The following RNF144A variants were observed in gnomAD, a reference collection of about 807,000 sequenced individuals.
RNF144A encodes E3 ubiquitin-protein ligase RNF144A.
Under a neutral mutation model 38.7 loss-of-function variants are expected in RNF144A, and 11 were observed. The observed-to-expected ratio is 0.28, with a 90% CI of 0.18 to 0.47. The LOEUF (loss-of-function observed/expected upper bound fraction) is 0.47. Ranked by LOEUF, RNF144A falls within the 20% of genes least tolerant of loss-of-function variation. The pLI, the probability that RNF144A is intolerant of heterozygous loss-of-function variation, is 0.99. For missense variants in RNF144A, 316 were observed against 377.2 expected (o/e 0.84, Z 1.34); for synonymous variants, 149 against 143.9 (o/e 1.04, Z -0.25).
chr2:7,005,821 C>T (rs189963549), intron 3 of RNF144A, among the ~76,000 whole-genome samples: 63 of 152,126 alleles, frequency 4.1e-4, no homozygotes, highest in African/African-American at 1.4e-3. Context: ...CATGAGAGGA[C>T]GCTGCAGCTC....
chr2:7,014,788 A>G lies in RNF144A; in HGVS notation c.301+16A>G. On this transcript the variant is annotated intron_variant, in intron 5 of 8. Coordinates refer to ENST00000320892, the MANE Select transcript of RNF144A (RefSeq NM_014746.6). ...TTTGAAAGAGGTAGGTGCCTGGTAT[A>G]TCTGCCGGTTATGATTCCTGTAATG... 2 of 1,581,228 alleles carry G rather than the reference A, an allele frequency of 1.3e-6. No individual in the cohort carries two copies. Among genetic ancestry groups the G allele is most frequent in the Non-Finnish European group, 1.7e-6 (2 of 1,151,404 alleles).
chr2:6,975,506 T>C (rs1668256376), intron 2 of RNF144A, among the ~76,000 whole-genome samples: 2 of 152,218 alleles, frequency 1.3e-5, no homozygotes, highest in East Asian at 1.9e-4. Context: ...CCTCGCCATG[T>C]TAAGTAACTC....
intron 2 of RNF144A, among the ~76,000 whole-genome samples, chr2:6,977,907 G>C (rs1452599656): frequency 6.6e-6 from 1 of 152,014 alleles, no homozygotes; most frequent in Non-Finnish European, 1.5e-5. Flanking sequence ...ATGGTAGTGA[G>C]TGTCGGGGGG....
chr2:6,929,925 A>G (rs1421500030), intron 1 of RNF144A, among the ~76,000 whole-genome samples: 1 of 152,252 alleles, frequency 6.6e-6, no homozygotes, highest in East Asian at 1.9e-4. Flanking sequence ...GTCCTGCTGC[A>G]GGAAGGAAAT....
At chr2:7,002,344 A>G (rs1013942038) in intron 3 of RNF144A, among the ~76,000 whole-genome samples, 2 of 152,240 alleles carry the variant, frequency 1.3e-5, no homozygotes, top group Non-Finnish European at 2.9e-5. Flanking sequence ...CTTGCTCAGC[A>G]TTAGATGCAG....
Position 7,039,826 on chromosome 2 carries a change from C to T in RNF144A, c.*66C>T. On this transcript the variant is annotated 3_prime_UTR_variant, in exon 9 of 9. Coordinates refer to ENST00000320892, the MANE Select transcript of RNF144A (RefSeq NM_014746.6). ...TGTGGCTCTCCCCCAACCCTCCCCACCGTCCCCCCTTCACTAAACATCTTT... is the reference window on the plus strand; with the variant it reads ...TGTGGCTCTCCCCCAACCCTCCCCATCGTCCCCCCTTCACTAAACATCTTT... 2 of 1,585,458 alleles carry T rather than the reference C, an allele frequency of 1.3e-6. No individual in the cohort carries two copies. Among genetic ancestry groups the T allele is most frequent in the Non-Finnish European group, 1.7e-6 (2 of 1,163,910 alleles).
rs1280062090 is a variant in RNF144A at position 7,043,451 on chromosome 2, T to C, written c.*3691T>C. 1 of 985,676 alleles carries C rather than the reference T, an allele frequency of 1.0e-6. No individual in the cohort carries two copies. The highest frequency in any genetic ancestry group is 6.1e-5 in the Admixed American group (1 of 16,274). 61.1% of individuals were successfully genotyped at this position (985,676 alleles called of 1,614,324 possible). A position where few individuals can be genotyped will look rare whatever the true frequency, so the allele number is the denominator to read the frequency against. On this transcript the variant is annotated 3_prime_UTR_variant, in exon 9 of 9. Transcript: ENST00000320892. ...TGTGTCTCAGATTCTCATTTATTAG[T>C]GAGCACACCTGTGTATATATATAAA...
At chr2:7,000,148 C>G (rs1670009325) in intron 3 of RNF144A, among the ~76,000 whole-genome samples, 1 of 152,190 alleles carries the variant, frequency 6.6e-6, no homozygotes, top group African/African-American at 2.4e-5. Context: ...GTCACAAGAG[C>G]CTGTGCACAT....
At chr2:7,013,099 T>C (rs1407756013) in intron 3 of RNF144A, among the ~76,000 whole-genome samples, 1 of 152,264 alleles carries the variant, frequency 6.6e-6, no homozygotes, top group Non-Finnish European at 1.5e-5. Flanking sequence ...GAATGAAATA[T>C]TCTATTTTGC....
intron 3 of RNF144A, among the ~76,000 whole-genome samples, chr2:7,012,733 A>G (rs1243659289): frequency 6.6e-6 from 1 of 152,164 alleles, no homozygotes; most frequent in African/African-American, 2.4e-5. Flanking sequence ...GTTCTGAAAG[A>G]AGTCTTTGCA....
intron 2 of RNF144A, among the ~76,000 whole-genome samples, chr2:6,982,581 G>A (rs1389097167): frequency 2.0e-5 from 3 of 152,072 alleles, no homozygotes; most frequent in Non-Finnish European, 2.9e-5. Context: ...TTTTTCCTTC[G>A]GGGAAAAAAC....
chr2:6,923,014 C>T (rs1360138178), intron 1 of RNF144A, among the ~76,000 whole-genome samples: 1 of 152,158 alleles, frequency 6.6e-6, no homozygotes, highest in Non-Finnish European at 1.5e-5. Context: ...GTGCACCCTC[C>T]GTCGCTGACT....
At chr2:6,969,586 A>C (rs183813531) in intron 2 of RNF144A, among the ~76,000 whole-genome samples, 7 of 152,338 alleles carry the variant, frequency 4.6e-5, no homozygotes, top group Admixed American at 3.9e-4. Flanking sequence ...AACTTTAATA[A>C]AAGTACAGGC....
chr2:6,965,283 TGAG>T (rs1448262075), intron 2 of RNF144A, among the ~76,000 whole-genome samples: 6 of 152,126 alleles, frequency 3.9e-5, no homozygotes, highest in Non-Finnish European at 8.8e-5. Context: ...TCTCAGCTCA[TGAG>T]GAGGGTGTGT....
At position 7,016,872 on chromosome 2, in the gene RNF144A, A is replaced by T. The variant is rs531841438; in HGVS notation, c.301+2100A>T. 2.6e-5 allele frequency among the ~76,000 whole-genome samples: 4 copies of T among 152,272 alleles called. No homozygotes were observed. In the South Asian group the frequency reaches 8.3e-4, roughly 32 times the overall value. ...TACCAGAAAGTTCTATGGTTAGGTCATGTTGCGCACACTGTCTGCACTTAG... is the reference window on the plus strand; with the variant it reads ...TACCAGAAAGTTCTATGGTTAGGTCTTGTTGCGCACACTGTCTGCACTTAG... On this transcript the variant is annotated intron_variant, in intron 5 of 8. Coordinates refer to ENST00000320892, the MANE Select transcript of RNF144A (RefSeq NM_014746.6).
chr2:7,023,973 A>G (rs1671702738), intron 6 of RNF144A, among the ~76,000 whole-genome samples: 1 of 152,224 alleles, frequency 6.6e-6, no homozygotes. Context: ...AAAGTACATA[A>G]AATTTATATC....
At chr2:6,965,646 A>G (rs562554655) in intron 2 of RNF144A, among the ~76,000 whole-genome samples, 3 of 152,310 alleles carry the variant, frequency 2.0e-5, no homozygotes, top group African/African-American at 2.4e-5. Context: ...GAAACGGGAC[A>G]GGATTGCATC....
At chr2:7,056,112 T>G (rs950944634) in intron 6 of RNF144A, among the ~76,000 whole-genome samples, 1 of 152,154 alleles carries the variant, frequency 6.6e-6, no homozygotes, top group African/African-American at 2.4e-5. Context: ...GTTAATGACT[T>G]TATTTCTCTG....
At chr2:7,028,111 C>T (rs140215602) in intron 7 of RNF144A, among the ~76,000 whole-genome samples, 8 of 152,252 alleles carry the variant, frequency 5.3e-5, no homozygotes, top group Admixed American at 2.0e-4. Flanking sequence ...AAGTCCCTGG[C>T]GGCCCCAAGG....
Sources: gnomAD v4.1 joint callset for allele counts (sites outside exome capture counted in the v4.1 genomes callset) on GRCh38, gnomAD v4.1.1 for gene constraint, MANE v1.5 for transcripts, NCBI Gene and HGNC (gene_info 2026-07-23, HGNC 2026-07-21) for gene names.